The following PARD3B variants were observed in gnomAD, a reference collection of about 807,000 sequenced individuals.
PARD3B encodes partitioning defective 3 homolog B.
PARD3B carries 103 observed loss-of-function variants against 130.2 expected under a neutral mutation model. The ratio of observed to expected loss-of-function variants is 0.79; its 90% confidence interval spans 0.67 to 0.93. The LOEUF (loss-of-function observed/expected upper bound fraction) is 0.93. PARD3B is among the 40% of genes least tolerant of loss of function. The pLI is 0.00. For missense variants in PARD3B, 1,609 were observed against 1,499.2 expected, an observed-to-expected ratio of 1.07 and a Z score of -1.21; for synonymous variants, 583 against 553.2, an observed-to-expected ratio of 1.05 and a Z score of -0.76.
At chr2:204,773,279 C>T (rs1211169455) in intron 2 of PARD3B, among the ~76,000 whole-genome samples, 1 of 151,844 alleles carries the variant, frequency 6.6e-6, no homozygotes, top group African/African-American at 2.4e-5. Flanking sequence ...CTGGATTAGT[C>T]ATCTGCATAC....
chr2:204,560,496 A>G (rs116420409), intron 1 of PARD3B, among the ~76,000 whole-genome samples: 20 of 151,362 alleles, frequency 1.3e-4, no homozygotes, highest in African/African-American at 4.6e-4. Context: ...GTTTCACTCC[A>G]TGAGCTGTAC....
intron 1 of PARD3B, among the ~76,000 whole-genome samples, chr2:204,600,505 C>T (rs1188297993): frequency 4.0e-5 from 6 of 151,608 alleles, no homozygotes; most frequent in African/African-American, 7.3e-5. Flanking sequence ...TTCACTATTC[C>T]GTTCCATTGG....
chr2:205,545,436 C>A (rs771525242), intron 21 of PARD3B, among the ~76,000 whole-genome samples: 52 of 152,290 alleles, frequency 3.4e-4, no homozygotes, highest in Admixed American at 5.9e-4. Context: ...AAATATCTGT[C>A]ATGATACCAA....
intron 2 of PARD3B, among the ~76,000 whole-genome samples, chr2:204,876,867 C>A (rs958940534): frequency 6.6e-6 from 1 of 152,108 alleles, no homozygotes; most frequent in African/African-American, 2.4e-5. Flanking sequence ...TTCATATAAC[C>A]ATTTTATTTA....
intron 2 of PARD3B, among the ~76,000 whole-genome samples, chr2:204,730,742 A>G (rs1397215321): frequency 6.6e-6 from 1 of 152,166 alleles, no homozygotes; most frequent in African/African-American, 2.4e-5. Context: ...GAATCTCCAC[A>G]TTAGTTTGGA....
At chr2:204,824,130 A>G (rs2043475357) in intron 2 of PARD3B, among the ~76,000 whole-genome samples, 1 of 152,180 alleles carries the variant, frequency 6.6e-6, no homozygotes, top group Non-Finnish European at 1.5e-5. Context: ...TCAAGTTGTC[A>G]GATATCTTTC....
At chr2:205,048,328 A>G (rs114445062) in intron 4 of PARD3B, 111 of 152,308 alleles carry the variant, frequency 7.3e-4, no homozygotes, top group African/African-American at 2.6e-3. Flanking sequence ...TTATAACCAG[A>G]TATACTTATA....
At chr2:205,610,545 G>C (rs1287875362) in intron 22 of PARD3B, among the ~76,000 whole-genome samples, 1 of 152,112 alleles carries the variant, frequency 6.6e-6, no homozygotes, top group African/African-American at 2.4e-5. Context: ...AATTTCCTCA[G>C]CACCAGTTAG....
At chr2:205,468,820 T>C (rs1312244380) in intron 20 of PARD3B, among the ~76,000 whole-genome samples, 1 of 152,188 alleles carries the variant, frequency 6.6e-6, no homozygotes, top group African/African-American at 2.4e-5. Context: ...TGCATTTCCT[T>C]TAACAAATGC....
chr2:205,259,784 G>A (rs922005189), intron 16 of PARD3B, among the ~76,000 whole-genome samples: 6 of 151,990 alleles, frequency 3.9e-5, no homozygotes, highest in Admixed American at 6.6e-5. Context: ...AGTACAAGTC[G>A]AGTATCTCTT....
intron 18 of PARD3B, among the ~76,000 whole-genome samples, chr2:205,355,913 A>G (rs2044174562): frequency 6.6e-6 from 1 of 152,204 alleles, no homozygotes; most frequent in Non-Finnish European, 1.5e-5. Context: ...GAACTCACTC[A>G]CTGTCACAAG....
intron 3 of PARD3B, among the ~76,000 whole-genome samples, chr2:204,980,715 C>A (rs1391652620): frequency 6.6e-6 from 1 of 152,146 alleles, no homozygotes; most frequent in Non-Finnish European, 1.5e-5. Context: ...AATTGAGGAA[C>A]ATTTTACAAA....
intron 16 of PARD3B, among the ~76,000 whole-genome samples, chr2:205,254,910 C>T (rs374867035): frequency 7.2e-5 from 11 of 151,780 alleles, no homozygotes; most frequent in African/African-American, 9.7e-5. Context: ...GTGATCCGCC[C>T]GCCTCGGCCT....
chr2:205,135,044 C>T (rs2032359336), intron 10 of PARD3B, among the ~76,000 whole-genome samples: 1 of 152,080 alleles, frequency 6.6e-6, no homozygotes, highest in Non-Finnish European at 1.5e-5. Context: ...TGGTGCATGA[C>T]ATATGTCTTA....
chr2:205,213,969 T>C (rs1473298307), intron 15 of PARD3B, among the ~76,000 whole-genome samples: 3 of 152,110 alleles, frequency 2.0e-5, no homozygotes, highest in Non-Finnish European at 4.4e-5. Context: ...GTGAATTCAC[T>C]TGCACCACAA....
chr2:205,378,513 A>C (rs2045163204), intron 18 of PARD3B, among the ~76,000 whole-genome samples: 1 of 152,184 alleles, frequency 6.6e-6, no homozygotes, highest in Admixed American at 6.5e-5. Flanking sequence ...AGCCAACATG[A>C]GAGCTGCGTA....
chr2:205,236,588 AC>A (rs2039072729), intron 15 of PARD3B, among the ~76,000 whole-genome samples: 1 of 152,160 alleles, frequency 6.6e-6, no homozygotes, highest in Admixed American at 6.6e-5. Flanking sequence ...TGTCCAAGCC[AC>A]CCTCAAAAAT....
At chr2:205,057,607 G>GTATGTGTATATGTATATATATACATA (rs1553605803) in intron 4 of PARD3B, among the ~76,000 whole-genome samples, 5 of 68,470 alleles carry the variant, frequency 7.3e-5, no homozygotes, top group African/African-American at 1.2e-4. Context: ...ACATATATGT[G>GTATGTGTATATGTATATATATACATA]TATGTGTATG....
At chr2:204,948,976 T>C (rs1384091508) in intron 2 of PARD3B, among the ~76,000 whole-genome samples, 1 of 152,166 alleles carries the variant, frequency 6.6e-6, no homozygotes, top group African/African-American at 2.4e-5. Flanking sequence ...TTTTCTAGAG[T>C]ACTTTCTGAG....
Sources: gnomAD v4.1 joint callset for allele counts (sites outside exome capture counted in the v4.1 genomes callset) on GRCh38, gnomAD v4.1.1 for gene constraint, MANE v1.5 for transcripts, NCBI Gene and HGNC (gene_info 2026-07-23, HGNC 2026-07-21) for gene names.